Variants in KLHL41 observed in about 807,000 individuals in gnomAD.
The protein encoded by KLHL41 is kelch-like protein 41.
In KLHL41, 31 loss-of-function variants were observed where a neutral mutation model predicts 49.2. The ratio of observed to expected loss-of-function variants is 0.63; its 90% CI spans 0.47 to 0.85. KLHL41 has a LOEUF of 0.85. Among genes scored for constraint, KLHL41 ranks in the 40% least tolerant of loss-of-function variants. The pLI is 0.00. For synonymous variants in KLHL41, 218 were observed against 258.5 expected (o/e 0.84, Z 1.50); for missense variants, 663 against 726.7 (o/e 0.91, Z 1.01).
chr2:169,509,969 C>A lies in KLHL41; in HGVS notation c.191C>A (p.Ser64Tyr). Reference protein sequence around the residue: ...CSPYFREYFLSEIDEAKKKEV... With the variant: ...CSPYFREYFLYEIDEAKKKEV... Reference sequence around the variant, plus strand: ...CCTTACTTCCGTGAGTACTTTTTATCTGAAATTGATGAGGCGAAAAAAAAG... The same window carrying A: ...CCTTACTTCCGTGAGTACTTTTTATATGAAATTGATGAGGCGAAAAAAAAG... The change falls in exon 1 of 6, where the codon TCT becomes TAT. Residue 64 changes from serine (S) to tyrosine (Y), a missense_variant. Ser to Tyr is a moderately radical substitution (Grantham distance 144, BLOSUM62 -2). Transcript: ENST00000284669. The A allele has an allele frequency of 1.2e-6, 2 of 1,613,988 alleles. No individual in the cohort carries two copies. Among genetic ancestry groups the A allele is most frequent in the Non-Finnish European group, 1.7e-6 (2 of 1,179,996 alleles).
chr2:169,524,982 A>G (rs934429037), intron 5 of KLHL41, among the ~76,000 whole-genome samples: 21 of 152,186 alleles, frequency 1.4e-4, no homozygotes, highest in Non-Finnish European at 3.1e-4. Context: ...TTCAGCACAC[A>G]TCGTACAAGG....
At chr2:169,523,899 G>A (rs116558026) in intron 5 of KLHL41, among the ~76,000 whole-genome samples, 1,869 of 152,148 alleles carry the variant, frequency 0.012, 33 homozygotes, top group African/African-American at 0.042. Flanking sequence ...CCGATCTAGA[G>A]AAACGTGGCT....
intron 4 of KLHL41, among the ~76,000 whole-genome samples, chr2:169,519,651 C>CTTTTTTTTTTTTTTTTTTTTTTTTT (rs11384512): frequency 7.2e-6 from 1 of 138,482 alleles, no homozygotes; most frequent in Admixed American, 7.2e-5. Flanking sequence ...TTTTCTCAAA[C>CTTTTTTTTTTTTTTTTTTTTTTTTT]TTTTTTTTTT....
chr2:169,521,517 C>A (rs1212327654), intron 5 of KLHL41, among the ~76,000 whole-genome samples: 1 of 152,176 alleles, frequency 6.6e-6, no homozygotes, highest in Non-Finnish European at 1.5e-5. Flanking sequence ...CCTCAGCCTC[C>A]CGAGTAGCTG....
At position 169,510,445 on chromosome 2, in the gene KLHL41, C is replaced by T. The variant is rs754460870; in HGVS notation, c.667C>T (p.Arg223Cys). The stretch of plus-strand genomic sequence containing the variant: ...CCTTAGTGAAGTGTTTGATTGTATC[C>T]GTTTTCGCCTTATGACAGAAAAATA... ...KNLSEVFDCIRFRLMTEKYFK... is the reference protein window; with the variant it reads ...KNLSEVFDCICFRLMTEKYFK... Residue 223 changes from arginine to cysteine, a missense_variant, in exon 1 of 6, where the codon CGT (arginine) becomes TGT (cysteine). Transcript: ENST00000284669. The surrounding 1 kb of genome is among the most constrained non-coding windows in gnomAD (Gnocchi z 4.2). 1.2e-6 allele frequency: 2 copies of T among 1,613,988 alleles called. No individual in the cohort carries two copies. The highest frequency in any genetic ancestry group is 1.7e-5 in the Admixed American group (1 of 60,014).
intron 1 of KLHL41, among the ~76,000 whole-genome samples, chr2:169,512,528 A>G (rs1684044772): frequency 6.6e-6 from 1 of 152,140 alleles, no homozygotes; most frequent in African/African-American, 2.4e-5. Context: ...TGTTCAGTTT[A>G]ATCTTTGTCC....
chr2:169,518,222 C>G lies in KLHL41; in HGVS notation c.1409C>G (p.Pro470Arg), dbSNP rs779897118. 2 of 1,612,758 alleles carry G rather than the reference C, an allele frequency of 1.2e-6. No individual in the cohort carries two copies. Among genetic ancestry groups the G allele is most frequent in the Admixed American group, 3.3e-5 (2 of 59,894 alleles). ...KCTNRVFIFN[P>R]KKGDWKDLAP... ...ACAAACAGGGTGTTTATCTTCAACC[C>G]CAAAAAAGGAGATTGGAAAGATCTG... The change falls in exon 4 of 6, where the codon CCC becomes CGC. Residue 470 changes from proline (P) to arginine (R), a missense_variant. Physicochemically the swap from Pro to Arg is moderately radical, Grantham distance 103. Transcript: ENST00000284669.
intron 2 of KLHL41, 46 bp downstream of exon 2, chr2:169,514,777 C>G: frequency 6.3e-7 from 1 of 1,593,398 alleles, no homozygotes; most frequent in Non-Finnish European, 8.6e-7. Context: ...CAAGTATATG[C>G]GTGCCTACAA....
Position 169,511,261 on chromosome 2 carries a change from G to A in KLHL41, c.1110+373G>A, listed in dbSNP as rs564024594. 7.2e-5 allele frequency among the ~76,000 whole-genome samples: 11 copies of A among 152,162 alleles called. No individual in the cohort carries two copies. In the East Asian group the frequency reaches 2.1e-3, roughly 29 times the overall value. The stretch of plus-strand genomic sequence containing the variant: ...GATGGGCTCTCACTATGTTGCCCCG[G>A]CTGGTCTCGAACTCCTGGGCTCAAG... On this transcript the variant is annotated intron_variant, in intron 1 of 5. Transcript: ENST00000284669.
Position 169,509,910 on chromosome 2 carries a change from T to C in KLHL41, c.132T>C (p.Leu44=). The C allele has an allele frequency of 6.2e-7, 1 of 1,614,220 alleles. No homozygotes were observed. The highest frequency in any genetic ancestry group is 8.5e-7 in the Non-Finnish European group (1 of 1,180,042). ...DCTLKAGDKS[L]PCHRLILSAC... ...CCCTAAAAGCAGGTGACAAAAGTCT[T>C]CCTTGCCACAGATTGATTTTGTCAG... The change falls in exon 1 of 6, where the codon CTT becomes CTC. Residue 44 remains leucine, a synonymous_variant. Transcript: ENST00000284669.
rs1322700357 is a variant in KLHL41 at position 169,525,652 on chromosome 2, T to A, written c.1777T>A (p.Cys593Ser). The change falls in exon 6 of 6, where the codon TGC becomes AGC. Residue 593 changes from cysteine to serine, a missense_variant. Around this residue, in one of 3 missense-constraint regions of KLHL41, gnomAD observed 528 missense variants for 581.0 expected, o/e 0.91. Transcript: ENST00000284669. ...AATACGTTATGCTTCAGGAGCTAGT[T>A]GCCTAGCAACACGTTTAAATCTCTT... ...KEIRYASGAS[C>S]LATRLNLFKL... is the part of the protein sequence containing the mutation. 3.1e-6 allele frequency: 5 copies of A among 1,613,396 alleles called. No individual in the cohort carries two copies. The highest frequency in any genetic ancestry group is 3.4e-6 in the Non-Finnish European group (4 of 1,179,368).
chr2:169,514,892 A>G lies in KLHL41; in HGVS notation c.1307A>G (p.Lys436Arg). 1 of 1,610,706 alleles carries G rather than the reference A, an allele frequency of 6.2e-7. No homozygotes were observed. The highest frequency in any genetic ancestry group is 1.7e-5 in the Admixed American group (1 of 59,146). Reference protein sequence around the residue: ...KWNEVKKLPIKVYGHNVISHK... With the variant: ...KWNEVKKLPIRVYGHNVISHK... ...AACGAAGTAAAAAAACTCCCTATCA[A>G]AGTCTATGGCCATAATGTGATTTCA... is the stretch of plus-strand genomic sequence containing the variant. Residue 436 changes from lysine (K) to arginine (R), a missense_variant, in exon 3 of 6, where the codon AAA (lysine) becomes AGA (arginine). Transcript: ENST00000284669.
At chr2:169,516,803 C>A (rs912749454) in intron 3 of KLHL41, among the ~76,000 whole-genome samples, 1 of 152,136 alleles carries the variant, frequency 6.6e-6, no homozygotes, top group South Asian at 2.1e-4. Flanking sequence ...AGGTGGATCA[C>A]CTGAGGTCGG....
At chr2:169,517,982 T>C (rs567824611) in intron 3 of KLHL41, among the ~76,000 whole-genome samples, 3 of 152,292 alleles carry the variant, frequency 2.0e-5, no homozygotes, top group African/African-American at 7.2e-5. Context: ...GAAGTAAAGG[T>C]ACCCTATCTT....
Position 169,514,867 on chromosome 2 carries a change from A to C in KLHL41, c.1282A>C (p.Asn428His). Residue 428 changes from asparagine (N) to histidine (H), a missense_variant, in exon 3 of 6, where the codon AAC becomes CAC. This residue lies in a region of KLHL41 where 528 missense variants were observed against 581.0 expected (regional missense o/e 0.91). Coordinates refer to ENST00000284669, the MANE Select transcript of KLHL41 (RefSeq NM_006063.3). ...LCYDPVAAKW[N>H]EVKKLPIKVY... ...GTTTAATTTTAGGGCTGCAAAATGG[A>C]ACGAAGTAAAAAAACTCCCTATCAA... The C allele has an allele frequency of 6.2e-7, 1 of 1,605,346 alleles. No homozygotes were observed. The highest frequency in any genetic ancestry group is 8.5e-7 in the Non-Finnish European group (1 of 1,177,810).
In KLHL41 at chr2:169,510,361, G is replaced by A. The variant is rs1684012315; in HGVS notation, c.583G>A (p.Ala195Thr). 1 of 1,614,126 alleles carries A rather than the reference G, an allele frequency of 6.2e-7. No individual in the cohort carries two copies. Among genetic ancestry groups the A allele is most frequent in the South Asian group, 1.1e-5 (1 of 91,062 alleles). Residue 195 changes from alanine (A) to threonine (T), a missense_variant, in exon 1 of 6, where the codon GCA (alanine) becomes ACA (threonine). Around this residue, in one of 3 missense-constraint regions of KLHL41, gnomAD observed 528 missense variants for 581.0 expected, o/e 0.91. Coordinates refer to ENST00000284669, the MANE Select transcript of KLHL41 (RefSeq NM_006063.3). The surrounding 1 kb of genome is among the most constrained non-coding windows in gnomAD (Gnocchi z 4.2). ...CAGCCTAAATGTAGAAAAAGAAGAAGCAGTATTTGAGGCAGTGATGAAATG... is the reference window on the plus strand; with the variant it reads ...CAGCCTAAATGTAGAAAAAGAAGAAACAGTATTTGAGGCAGTGATGAAATG... ...NDSLNVEKEEAVFEAVMKWVR... is the reference protein window; with the variant it reads ...NDSLNVEKEETVFEAVMKWVR...
chr2:169,524,297 A>G (rs1382312811), intron 5 of KLHL41, among the ~76,000 whole-genome samples: 1 of 152,150 alleles, frequency 6.6e-6, no homozygotes, highest in Non-Finnish European at 1.5e-5. Context: ...GCATGGTACA[A>G]TTATTGAGAA....
At chr2:169,513,334 G>A (rs1291505683) in intron 1 of KLHL41, among the ~76,000 whole-genome samples, 1 of 152,078 alleles carries the variant, frequency 6.6e-6, no homozygotes, top group Non-Finnish European at 1.5e-5. Context: ...AACTAAATGA[G>A]GTTACCTGTG....
Position 169,509,975 on chromosome 2 carries a change from T to C in KLHL41, c.197T>C (p.Ile66Thr), listed in dbSNP as rs116809051. The part of the protein sequence containing the change: ...PYFREYFLSE[I>T]DEAKKKEVVL... ...TTCCGTGAGTACTTTTTATCTGAAA[T>C]TGATGAGGCGAAAAAAAAGGAGGTA... is the stretch of plus-strand genomic sequence containing the variant. Residue 66 changes from isoleucine (I) to threonine (T), a missense_variant, in exon 1 of 6, where the codon ATT becomes ACT. By Grantham distance (89) the Ile-to-Thr change is moderately conservative. Coordinates refer to ENST00000284669, the MANE Select transcript of KLHL41 (RefSeq NM_006063.3). 781 of 1,614,112 alleles carry C rather than the reference T, an allele frequency of 4.8e-4. 1 individual carries two copies. Among genetic ancestry groups the C allele is most frequent in the African/African-American group, 3.1e-3 (232 of 75,036 alleles).
Sources: gnomAD v4.1 joint callset for allele counts (sites outside exome capture counted in the v4.1 genomes callset) on GRCh38, gnomAD v4.1.1 for gene constraint, gnomAD v4.1.1 regional missense constraint, Gnocchi (gnomAD v3.1) non-coding constraint, MANE v1.5 for transcripts, NCBI Gene and HGNC (gene_info 2026-07-23, HGNC 2026-07-21) for gene names.